TM2D3: variants seen among roughly 807,000 people sequenced by gnomAD.
TM2D3 encodes the protein TM2 domain containing 3.
Under a neutral mutation model 27.3 loss-of-function variants are expected in TM2D3, and 33 were observed. The observed-to-expected ratio is 1.21, with a 90% confidence interval of 0.92 to 1.61. TM2D3 has a LOEUF of 1.61. Ranked by LOEUF, TM2D3 falls within the 40% of genes most tolerant of loss-of-function variation. The pLI, the probability that TM2D3 is intolerant of heterozygous loss-of-function variation, is 0.00. For missense variants in TM2D3, 364 were observed against 320.8 expected, an observed-to-expected ratio of 1.13 and a Z score of -1.03; for synonymous variants, 138 against 122.2, an observed-to-expected ratio of 1.13 and a Z score of -0.85.
rs1215452699 is a variant in TM2D3, at chr15:101,646,855, A to C, written c.372T>G (p.Thr124=). The part of the protein sequence containing the change: ...KSQKNFIINM[T]CRFCWQLPET... ...CAGGAAGCTGCCAGCAAAATCTGCAAGTCATGTTAATGATGAAGTTCTTTT... is the reference window on the plus strand; with the variant it reads ...CAGGAAGCTGCCAGCAAAATCTGCACGTCATGTTAATGATGAAGTTCTTTT... The change falls in exon 4 of 6, where the codon ACT becomes ACG. Residue 124 remains threonine, a synonymous_variant. Transcript: ENST00000333202. The C allele has an allele frequency of 6.2e-7, 1 of 1,614,228 alleles. No homozygotes were observed. Among genetic ancestry groups the C allele is most frequent in the Admixed American group, 1.7e-5 (1 of 60,032 alleles).
intron 5 of TM2D3, among the ~76,000 whole-genome samples, chr15:101,644,499 G>C (rs1418081730): frequency 6.6e-6 from 1 of 152,188 alleles, no homozygotes; most frequent in Non-Finnish European, 1.5e-5. Flanking sequence ...GCAGGCCTCA[G>C]GGTCTCAGGC....
chr15:101,642,008 T>G lies in TM2D3; in HGVS notation c.*471A>C. The G allele has an allele frequency of 1.0e-6, 1 of 986,048 alleles. No homozygotes were observed. The highest frequency in any genetic ancestry group is 1.7e-5 in the African/African-American group (1 of 57,370). The allele number at this position is 986,048 out of a possible 1,614,324, so 61.1% of individuals were successfully genotyped here. ...TGTATTACACTGCAAAACTTACACA[T>G]GACTGAAGCTGAGCCTAATAACTTC... is the stretch of plus-strand genomic sequence containing the variant. On this transcript the variant is annotated 3_prime_UTR_variant, in exon 6 of 6. Transcript: ENST00000333202.
Position 101,642,581 on chromosome 15 carries a change from GCCGAGGCCTT to G in TM2D3, c.632_641del (p.Glu211AlafsTer14). ...CCAGGCCACCGAAGCTGAAGAGCTT[GCCGAGGCCTT>G]CCCGCCACTGGCCCAGGTAGAAACG... On this transcript the variant is annotated frameshift_variant, in exon 6 of 6. Transcript: ENST00000333202. LOFTEE classifies it high-confidence loss of function. The G allele has an allele frequency of 6.2e-7, 1 of 1,611,988 alleles. No homozygotes were observed. Among genetic ancestry groups the G allele is most frequent in the African/African-American group, 1.3e-5 (1 of 75,020 alleles).
intron 4 of TM2D3, 25 bp downstream of exon 4, chr15:101,646,700 C>T (rs1382383039): frequency 6.2e-7 from 1 of 1,613,772 alleles, no homozygotes; most frequent in Non-Finnish European, 8.5e-7. Flanking sequence ...ATTTTGTTGA[C>T]AAATGTCCTT....
rs1433008786 is a variant in TM2D3 at position 101,646,108 on chromosome 15, AATATATTGGAGAAT to A, written c.502+603_502+616del. The stretch of plus-strand genomic sequence containing the variant: ...AACAGCGGAAAACAGCACTTAACCA[AATATATTGGAGAAT>A]AAACTGTGATACAATCTTACAATAG... On this transcript the variant is annotated intron_variant, in intron 4 of 5. Transcript: ENST00000333202. 2.0e-5 allele frequency: 3 copies of A among 152,540 alleles called. No individual in the cohort carries two copies. The East Asian group carries it at 5.8e-4, about 29-fold the overall frequency. The allele number at this position is 152,540 out of a possible 1,614,324, so 9.4% of individuals were successfully genotyped here. A position where few individuals can be genotyped will look rare whatever the true frequency, so the allele number is the denominator to read the frequency against.
At chr15:101,645,383 A>G in intron 4 of TM2D3, 5 of 558,988 alleles carry the variant, frequency 8.9e-6, no homozygotes, top group Non-Finnish European at 3.2e-6. Context: ...TGAAATGCTC[A>G]CCCACATATC....
At chr15:101,651,422 AT>A in intron 2 of TM2D3, 1 of 400,750 alleles carries the variant, frequency 2.5e-6, no homozygotes, top group Non-Finnish European at 4.5e-6. Context: ...ACTGAAGGTT[AT>A]TTTGATGGAT....
chr15:101,636,810 C>T (rs1238205968), intron 4 of TM2D3: 2 of 308,970 alleles, frequency 6.5e-6, no homozygotes, highest in Non-Finnish European at 1.3e-5. Flanking sequence ...TCCAATTTCT[C>T]CACATTCTCA....
At chr15:101,651,499 A>G in intron 2 of TM2D3, 197 bp downstream of exon 2, 1 of 504,700 alleles carries the variant, frequency 2.0e-6, no homozygotes, top group Admixed American at 3.7e-5. Context: ...GAGGAGGCAG[A>G]AACGTCAAAA....
intron 2 of TM2D3, 180 bp downstream of exon 2, chr15:101,651,516 A>C: frequency 1.7e-6 from 1 of 579,934 alleles, no homozygotes; most frequent in Non-Finnish European, 3.0e-6. Flanking sequence ...AAAAGGTATA[A>C]ATACGAAGAC....
At chr15:101,650,290 C>A in intron 2 of TM2D3, 129 bp from the exon 3 acceptor site, 1 of 940,316 alleles carries the variant, frequency 1.1e-6, no homozygotes, top group East Asian at 2.7e-5. Context: ...AAGCATGGGA[C>A]TGGAGTCAGA....
chr15:101,637,990 A>C (rs561128722), downstream of TM2D3, among the ~76,000 whole-genome samples: 4 of 152,166 alleles, frequency 2.6e-5, no homozygotes, highest in Admixed American at 1.3e-4. Flanking sequence ...AGCTGAGACT[A>C]TATCTTTGCT....
chr15:101,638,486 G>A (rs1412857002), downstream of TM2D3, among the ~76,000 whole-genome samples: 2 of 151,786 alleles, frequency 1.3e-5, no homozygotes, highest in African/African-American at 4.8e-5. Flanking sequence ...TAGTAGAGAC[G>A]GGGGTTTCAC....
Position 101,642,669 on chromosome 15 carries a change from C to T in TM2D3, c.579-25G>A. ...GCTGCGATGGCAAACAGACAGGATT[C>T]CATGAGACCACCTCCACCCCAGCTG... On this transcript the variant is annotated intron_variant, in intron 5 of 5. Transcript: ENST00000333202. The T allele has an allele frequency of 1.9e-6, 3 of 1,564,564 alleles. No homozygotes were observed. In the South Asian group the frequency reaches 3.5e-5, roughly 18 times the overall value.
rs1405985435 is a variant in TM2D3, at chr15:101,646,836, G to A, written c.391C>T (p.Leu131Phe). 10 of 1,614,098 alleles carry A rather than the reference G, an allele frequency of 6.2e-6. No homozygotes were observed. Among genetic ancestry groups the A allele is most frequent in the Non-Finnish European group, 8.5e-6 (10 of 1,180,042 alleles). The part of the protein sequence containing the change: ...INMTCRFCWQ[L>F]PETDYECTNS... Reference sequence around the variant, plus strand: ...GTACACTCGTAATCTGTTTCAGGAAGCTGCCAGCAAAATCTGCAAGTCATG... The same window carrying A: ...GTACACTCGTAATCTGTTTCAGGAAACTGCCAGCAAAATCTGCAAGTCATG... The change falls in exon 4 of 6, where the codon CTT becomes TTT. Residue 131 changes from leucine to phenylalanine, a missense_variant. Coordinates refer to ENST00000333202, the MANE Select transcript of TM2D3 (RefSeq NM_078474.3).
At chr15:101,633,778 T>C (rs2141354317) in intron 4 of TM2D3, 1 of 1,457,146 alleles carries the variant, frequency 6.9e-7, no homozygotes, top group Non-Finnish European at 9.2e-7. Context: ...TTAGTTCTTA[T>C]GACATAATAT....
At chr15:101,634,663 A>T (rs968276237) in intron 4 of TM2D3, 20 of 152,352 alleles carry the variant, frequency 1.3e-4, no homozygotes, top group African/African-American at 4.8e-4. Flanking sequence ...TGCACATGTA[A>T]CATTCAGCAT....
At chr15:101,647,049 A>G (rs184564803) in intron 3 of TM2D3, 150 bp from the exon 4 acceptor site, 4 of 732,740 alleles carry the variant, frequency 5.5e-6, no homozygotes, top group Non-Finnish European at 9.0e-6. Context: ...TACCAAAACA[A>G]TATGTATGTA....
downstream of TM2D3, among the ~76,000 whole-genome samples, chr15:101,640,825 T>C (rs1024901560): frequency 6.6e-6 from 1 of 152,230 alleles, no homozygotes; most frequent in Non-Finnish European, 1.5e-5. Context: ...TTTTTAGGAT[T>C]TGGGAACAAG....
Sources: allele counts gnomAD v4.1 joint callset (sites outside exome capture counted in the v4.1 genomes callset), GRCh38; gene constraint gnomAD v4.1.1; transcripts MANE v1.5; gene names NCBI Gene and HGNC (gene_info 2026-07-23, HGNC 2026-07-21).